The following SLC38A11 variants were observed in gnomAD, a reference collection of about 807,000 sequenced individuals.
SLC38A11 encodes the protein solute carrier family 38 member 11.
A neutral mutation model predicts 49.4 loss-of-function variants in SLC38A11; 51 were observed. That is an observed-to-expected ratio of 1.03 (90% CI 0.83 to 1.30). The LOEUF (loss-of-function observed/expected upper bound fraction) is 1.30, where lower values mean the gene tolerates loss of function less well. SLC38A11 is among the 50% of genes most tolerant of loss of function. The probability of loss-of-function intolerance (pLI) is 0.00; values close to 1 mark genes in which losing one functional copy is unlikely to be tolerated. For synonymous variants in SLC38A11, 203 were observed against 192.9 expected (o/e 1.05, Z -0.43); for missense variants, 574 against 556.2 (o/e 1.03, Z -0.32).
At chr2:164,935,497 C>T (rs1040394794) in intron 7 of SLC38A11, among the ~76,000 whole-genome samples, 1 of 136,516 alleles carries the variant, frequency 7.3e-6, no homozygotes, top group African/African-American at 2.6e-5. Flanking sequence ...TAGTGAGACT[C>T]CATCTCTACA....
chr2:164,902,012 T>A (rs1684682270), intron 11 of SLC38A11, among the ~76,000 whole-genome samples: 1 of 151,418 alleles, frequency 6.6e-6, no homozygotes, highest in South Asian at 2.1e-4. Flanking sequence ...GAGATAATCA[T>A]GTGTTTTTTG....
chr2:164,918,977 A>G (rs1685992030), intron 7 of SLC38A11, among the ~76,000 whole-genome samples: 1 of 152,210 alleles, frequency 6.6e-6, no homozygotes, highest in South Asian at 2.1e-4. Flanking sequence ...ATAAACATCA[A>G]TTTACCCCAA....
chr2:164,898,480 T>A lies in SLC38A11; in HGVS notation c.1346A>T (p.Gln449Leu). The change falls in exon 12 of 12, where the codon CAG becomes CTG. Residue 449 changes from glutamine (Q) to leucine (L), a missense_variant. Gln to Leu is a moderately radical substitution (Grantham distance 113). Transcript: ENST00000685975. ...LTNTSESHVQ[Q>L]TTQLSTLNIS... ...ATTTAAAGTAGAAAGTTGTGTTGTC[T>A]GCTGAACATGAGACTCTGAGGTATT... 6.2e-7 allele frequency: 1 copy of A among 1,613,348 alleles called. No individual in the cohort carries two copies. The highest frequency in any genetic ancestry group is 8.5e-7 in the Non-Finnish European group (1 of 1,179,518).
intron 3 of SLC38A11, among the ~76,000 whole-genome samples, chr2:164,948,836 T>G (rs1688313368): frequency 1.3e-5 from 2 of 151,908 alleles, no homozygotes; most frequent in South Asian, 4.2e-4. Context: ...CTTGTTCAGT[T>G]GCATTTTGCA....
In SLC38A11 at chr2:164,904,606, A is replaced by C. The variant is rs561477064; in HGVS notation, c.1095+4034T>G. Among the ~76,000 whole-genome samples, 11 of 152,256 alleles carry C rather than the reference A, an allele frequency of 7.2e-5. No homozygotes were observed. The East Asian group carries it at 2.1e-3, about 29-fold the overall frequency. The stretch of plus-strand genomic sequence containing the variant: ...TAAAAAAGAATTCCTAAAGTACTAA[A>C]ATTGTTATCTAAGATAAAAGCTATT... On this transcript the variant is annotated intron_variant, in intron 11 of 11. Coordinates refer to ENST00000685975, the MANE Select transcript of SLC38A11 (RefSeq NM_001351537.2).
Position 164,945,589 on chromosome 2 carries a change from T to A in SLC38A11, c.364+4A>T. 1 of 1,585,828 alleles carries A rather than the reference T, an allele frequency of 6.3e-7. No homozygotes were observed. The highest frequency in any genetic ancestry group is 8.5e-7 in the Non-Finnish European group (1 of 1,172,914). On this transcript the variant is annotated splice_donor_region_variant and intron_variant, in intron 4 of 11. Transcript: ENST00000685975. ...TGCAATATTTATCTTCACAGTCAAC[T>A]TACCTATAAAAGGATACAAAAACTG...
In SLC38A11 at chr2:164,898,668, A is replaced by G; in HGVS notation, c.1158T>C (p.Ser386=). 6.2e-7 allele frequency: 1 copy of G among 1,613,574 alleles called. No individual in the cohort carries two copies. Among genetic ancestry groups the G allele is most frequent in the Non-Finnish European group, 8.5e-7 (1 of 1,179,690 alleles). Reference sequence around the variant, plus strand: ...TATCGGAGTGTGTCCTTGGTTCTTCAGACAGTTTCAGATAACAGGCTGATG... The same window carrying G: ...TATCGGAGTGTGTCCTTGGTTCTTCGGACAGTTTCAGATAACAGGCTGATG... ...IIPSACYLKL[S]EEPRTHSDKI... Residue 386 remains serine (S), a synonymous_variant, in exon 12 of 12, where the codon TCT becomes TCC. Transcript: ENST00000685975.
At chr2:164,941,547 G>A (rs1317638867) in intron 5 of SLC38A11, among the ~76,000 whole-genome samples, 1 of 152,108 alleles carries the variant, frequency 6.6e-6, no homozygotes, top group Non-Finnish European at 1.5e-5. Flanking sequence ...TTTGCCATAT[G>A]AACTACATTT....
chr2:164,910,804 T>A (rs181994088), intron 10 of SLC38A11, among the ~76,000 whole-genome samples: 143 of 152,218 alleles, frequency 9.4e-4, no homozygotes, highest in Admixed American at 2.2e-3. Flanking sequence ...AGACCCACTG[T>A]GAAGCAAGAT....
rs537235178 is a variant in SLC38A11 at position 164,911,629 on chromosome 2, C to T, written c.963+7G>A. The T allele has an allele frequency of 8.7e-6, 13 of 1,499,608 alleles. No homozygotes were observed. In the East Asian group the frequency reaches 9.2e-5, roughly 11 times the overall value. 92.9% of individuals were successfully genotyped at this position (1,499,608 alleles called of 1,614,324 possible). Reference sequence around the variant, plus strand: ...TGGGTAAAGCGTTGGGAAGGAACCGCGCTTACCTCTCTTGTCACAAAGCAT... The same window carrying T: ...TGGGTAAAGCGTTGGGAAGGAACCGTGCTTACCTCTCTTGTCACAAAGCAT... On this transcript the variant is annotated splice_region_variant and intron_variant, in intron 10 of 11. Transcript: ENST00000685975.
intron 1 of SLC38A11, 116 bp downstream of exon 1, chr2:164,955,093 A>G: frequency 1.1e-6 from 1 of 950,912 alleles, no homozygotes; most frequent in South Asian, 1.5e-5. Context: ...TGTCCCAGAG[A>G]ACTTTTCGCG....
intron 3 of SLC38A11, among the ~76,000 whole-genome samples, chr2:164,946,970 A>G (rs1006951764): frequency 2.2e-4 from 34 of 151,782 alleles, no homozygotes; most frequent in Admixed American, 2.2e-3. Context: ...GTTGTTGATC[A>G]TTCCTTTTAT....
At chr2:164,954,853 T>C (rs1007849673) in intron 1 of SLC38A11, 108 bp from the exon 2 acceptor site, 1 of 567,534 alleles carries the variant, frequency 1.8e-6, no homozygotes, top group Non-Finnish European at 3.1e-6. Flanking sequence ...TAATAAGTAA[T>C]GTCACTAATG....
chr2:164,895,160 A>G lies in SLC38A11; in HGVS notation c.*3277T>C, dbSNP rs1684361592. 6.6e-6 allele frequency among the ~76,000 whole-genome samples: 1 copy of G among 152,176 alleles called. No individual in the cohort carries two copies. The highest frequency in any genetic ancestry group is 1.5e-5 in the Non-Finnish European group (1 of 68,048). ...TTAAAAGCCACTACCCTAGACAAAG[A>G]CTGGGCTCTTTTCTTTCTCTCCTGG... On this transcript the variant is annotated 3_prime_UTR_variant, in exon 12 of 12. Transcript: ENST00000685975.
At chr2:164,905,093 T>C (rs2105447441) in intron 11 of SLC38A11, among the ~76,000 whole-genome samples, 1 of 151,722 alleles carries the variant, frequency 6.6e-6, no homozygotes, top group South Asian at 2.1e-4. Flanking sequence ...CAATACATGG[T>C]AGCTCACATT....
chr2:164,942,418 G>T (rs1033679489), intron 5 of SLC38A11, among the ~76,000 whole-genome samples: 25 of 129,630 alleles, frequency 1.9e-4, no homozygotes, highest in African/African-American at 6.9e-4. Context: ...GGGTGACAGA[G>T]TGAGACTCTG....
intron 7 of SLC38A11, among the ~76,000 whole-genome samples, chr2:164,927,307 G>T (rs190471109): frequency 2.0e-5 from 3 of 152,106 alleles, no homozygotes; most frequent in African/African-American, 7.2e-5. Flanking sequence ...ACAAATTTCT[G>T]TTCTTTATAA....
intron 7 of SLC38A11, chr2:164,922,113 T>C (rs1276543290): frequency 6.6e-6 from 1 of 152,080 alleles, no homozygotes; most frequent in East Asian, 1.9e-4. Flanking sequence ...AGAAAGCAAG[T>C]CCCATCAAAG....
intron 11 of SLC38A11, among the ~76,000 whole-genome samples, chr2:164,905,974 C>A (rs866846954): frequency 4.6e-5 from 7 of 151,898 alleles, no homozygotes; most frequent in African/African-American, 1.7e-4. Flanking sequence ...TGATTATATG[C>A]CTACAATTTT....
Sources: allele counts gnomAD v4.1 joint callset (sites outside exome capture counted in the v4.1 genomes callset), GRCh38; gene constraint gnomAD v4.1.1; transcripts MANE v1.5; gene names NCBI Gene and HGNC (gene_info 2026-07-23, HGNC 2026-07-21).